AKAP9: variants seen among roughly 807,000 people sequenced by gnomAD.
The protein encoded by AKAP9 is A-kinase anchoring protein 9.
In AKAP9, 311 loss-of-function variants were observed where a neutral mutation model predicts 488.5. The ratio of observed to expected loss-of-function variants is 0.64; its 90% CI spans 0.58 to 0.70. AKAP9 has a LOEUF of 0.70. AKAP9 is among the 30% of genes least tolerant of loss of function. AKAP9 has a pLI of 0.00. For synonymous variants in AKAP9, 1,462 were observed against 1,483.5 expected, an observed-to-expected ratio of 0.99 and a Z score of 0.33; for missense variants, 4,215 against 4,374.5, an observed-to-expected ratio of 0.96 and a Z score of 1.03.
At chr7:92,033,442 C>CTTTTTTTTTTTTTTTTTTTTTTTTT (rs35497475) in intron 16 of AKAP9, among the ~76,000 whole-genome samples, 1 of 107,374 alleles carries the variant, frequency 9.3e-6, no homozygotes, top group Non-Finnish European at 1.9e-5. Flanking sequence ...CTTTTCTTTT[C>CTTTTTTTTTTTTTTTTTTTTTTTTT]TTTTTTTTTT....
At chr7:92,063,364 C>T (rs914710224) in intron 24 of AKAP9, 3 of 558,794 alleles carry the variant, frequency 5.4e-6, no homozygotes, top group Non-Finnish European at 6.8e-6. Flanking sequence ...GTTTTTGATA[C>T]GTGTGTGTGC....
In AKAP9 at chr7:92,040,791, G is replaced by A; in HGVS notation, c.4810G>A (p.Ala1604Thr). The A allele has an allele frequency of 6.2e-7, 1 of 1,613,960 alleles. No individual in the cohort carries two copies. Among genetic ancestry groups the A allele is most frequent in the East Asian group, 2.2e-5 (1 of 44,856 alleles). The change falls in exon 18 of 50, where the codon GCA (alanine) becomes ACA (threonine). Residue 1604 changes from alanine (A) to threonine (T), a missense_variant. This residue lies in a region of AKAP9 where 2,361 missense variants were observed against 2,430.0 expected (regional missense o/e 0.97). Coordinates refer to ENST00000356239, the MANE Select transcript of AKAP9 (RefSeq NM_005751.5). ...LVRQYQEHQQ[A>T]TELLRQAHMR... is the part of the protein sequence containing the mutation. ...ACGACAATACCAAGAACATCAACAGGCAACGGAATTGTTAAGGCAAGCACA... is the reference window on the plus strand; with the variant it reads ...ACGACAATACCAAGAACATCAACAGACAACGGAATTGTTAAGGCAAGCACA...
intron 49 of AKAP9, chr7:92,108,972 A>G (rs1007612834): frequency 9.5e-6 from 4 of 421,098 alleles, no homozygotes; most frequent in African/African-American, 7.9e-5. Flanking sequence ...CGTATTCCTA[A>G]GTAGCGCATG....
At chr7:92,089,675 T>A in intron 38 of AKAP9, 146 bp downstream of exon 38, 3 of 923,392 alleles carry the variant, frequency 3.2e-6, no homozygotes, top group Non-Finnish European at 5.0e-6. Flanking sequence ...CAATCTATAT[T>A]AATTACTCTA....
intron 12 of AKAP9, among the ~76,000 whole-genome samples, chr7:92,019,564 T>C (rs998439573): frequency 3.3e-5 from 5 of 151,868 alleles, no homozygotes; most frequent in African/African-American, 1.2e-4. Context: ...ATGAAGTCAC[T>C]AGACTGAAGA....
rs1811948615 is a variant in AKAP9 at position 92,072,899 on chromosome 7, T to C, written c.6612+1890T>C. On this transcript the variant is annotated intron_variant, in intron 28 of 49. Coordinates refer to ENST00000356239, the MANE Select transcript of AKAP9 (RefSeq NM_005751.5). Reference sequence around the variant, plus strand: ...GACTCTGTTATCCCCATTTTACAGATGTGTAAACTGAGCCTTAAGGGAAGT... The same window carrying C: ...GACTCTGTTATCCCCATTTTACAGACGTGTAAACTGAGCCTTAAGGGAAGT... Among the ~76,000 whole-genome samples the C allele has an allele frequency of 2.0e-5, 3 of 152,320 alleles. No individual in the cohort carries two copies. In the South Asian group the frequency reaches 6.2e-4, roughly 32 times the overall value.
At chr7:92,087,221 A>G (rs1301449517) in intron 37 of AKAP9, among the ~76,000 whole-genome samples, 1 of 152,172 alleles carries the variant, frequency 6.6e-6, no homozygotes, top group East Asian at 1.9e-4. Context: ...GCAAATATGG[A>G]ATCAGAATAA....
At chr7:91,989,518 C>G (rs1481350256) in intron 3 of AKAP9, among the ~76,000 whole-genome samples, 1 of 152,034 alleles carries the variant, frequency 6.6e-6, no homozygotes, top group African/African-American at 2.4e-5. Flanking sequence ...GTTGGGAATA[C>G]AGGCAATATA....
Position 92,002,147 on chromosome 7 carries a change from G to C in AKAP9, c.2230G>C (p.Glu744Gln), listed in dbSNP as rs202091548. 4.4e-6 allele frequency: 7 copies of C among 1,590,216 alleles called. No homozygotes were observed. The East Asian group carries it at 1.6e-4, about 36-fold the overall frequency. The change falls in exon 8 of 50, where the codon GAA becomes CAA. Residue 744 changes from glutamate (E) to glutamine (Q), a missense_variant. This residue lies in a region of AKAP9 where 2,361 missense variants were observed against 2,430.0 expected (regional missense o/e 0.97). Transcript: ENST00000356239. ...EEKEKGTLEQ[E>Q]VQELQLKTEL... is the part of the protein sequence containing the mutation. ...AAAAGAAAAGGGTACACTTGAACAA[G>C]AAGTTCAAGAATTACAACTTAAAAC...
chr7:92,080,672 C>T (rs932479637), intron 31 of AKAP9, among the ~76,000 whole-genome samples: 2 of 151,968 alleles, frequency 1.3e-5, no homozygotes, highest in African/African-American at 2.4e-5. Context: ...AAAGGATTCA[C>T]GTATTGGGTA....
At chr7:91,976,409 G>C (rs1330145161) in intron 2 of AKAP9, among the ~76,000 whole-genome samples, 3 of 152,070 alleles carry the variant, frequency 2.0e-5, no homozygotes, top group African/African-American at 7.2e-5. Flanking sequence ...TTTTTGTAGA[G>C]ACGGAGTTTT....
Position 92,040,767 on chromosome 7 carries a change from C to T in AKAP9, c.4786C>T (p.Arg1596Ter), listed in dbSNP as rs1479369759. Reference sequence around the variant, plus strand: ...GGAAGATATGAGACAGGAACTTGTACGACAATACCAAGAACATCAACAGGC... The same window carrying T: ...GGAAGATATGAGACAGGAACTTGTATGACAATACCAAGAACATCAACAGGC... ...QLEDMRQELV[R>*]QYQEHQQATE... Residue 1596 changes from arginine to a stop codon, truncating the protein, a stop_gained, in exon 18 of 50, where the codon CGA (arginine) becomes TGA (stop). Coordinates refer to ENST00000356239, the MANE Select transcript of AKAP9 (RefSeq NM_005751.5). LOFTEE classifies it high-confidence loss of function. The T allele has an allele frequency of 6.2e-7, 1 of 1,612,430 alleles. No homozygotes were observed. Among genetic ancestry groups the T allele is most frequent in the Non-Finnish European group, 8.5e-7 (1 of 1,179,768 alleles).
At chr7:92,057,364 A>G (rs1234807738) in intron 22 of AKAP9, among the ~76,000 whole-genome samples, 1 of 152,128 alleles carries the variant, frequency 6.6e-6, no homozygotes, top group Non-Finnish European at 1.5e-5. Flanking sequence ...CAATTTTTTA[A>G]TGGAACGGAA....
chr7:92,009,457 G>T (rs1800389197), intron 8 of AKAP9, among the ~76,000 whole-genome samples: 1 of 152,114 alleles, frequency 6.6e-6, no homozygotes, highest in Admixed American at 6.5e-5. Context: ...AACAATTAAA[G>T]AATTTGAAAT....
chr7:92,083,263 AAAG>A lies in AKAP9; in HGVS notation c.8259_8261del (p.Glu2753del), dbSNP rs762423163. 2 of 1,614,176 alleles carry A rather than the reference AAAG, an allele frequency of 1.2e-6. No homozygotes were observed. The highest frequency in any genetic ancestry group is 2.2e-5 in the East Asian group (1 of 44,870). The stretch of plus-strand genomic sequence containing the variant: ...AAAAGAGAAATTGTCCATTTTAGAA[AAAG>A]AAGATGAGACTGAGGTACAAGAAAG... On this transcript the variant is annotated inframe_deletion, in exon 33 of 50. Transcript: ENST00000356239.
In AKAP9 at chr7:91,980,307, A is replaced by G; in HGVS notation, c.325A>G (p.Thr109Ala). 1.3e-6 allele frequency: 2 copies of G among 1,586,484 alleles called. No homozygotes were observed. Among genetic ancestry groups the G allele is most frequent in the Non-Finnish European group, 1.7e-6 (2 of 1,160,454 alleles). The change falls in exon 3 of 50, where the codon ACC becomes GCC. Residue 109 changes from threonine to alanine, a missense_variant. Physicochemically the swap from Thr to Ala is moderately conservative, Grantham distance 58 (BLOSUM62 0). Around this residue, in one of 5 missense-constraint regions of AKAP9, gnomAD observed 2,361 missense variants for 2,430.0 expected, o/e 0.97. Transcript: ENST00000356239. ...FSVELESEIS[T>A]TADDCSSEVN... ...GTTTTAGCTGGAAAGTGAAATTTCAACCACAGCAGATGACTGCAGTTCAGA... is the reference window on the plus strand; with the variant it reads ...GTTTTAGCTGGAAAGTGAAATTTCAGCCACAGCAGATGACTGCAGTTCAGA...
At chr7:91,986,376 CT>C (rs2130613513) in intron 3 of AKAP9, among the ~76,000 whole-genome samples, 2 of 152,308 alleles carry the variant, frequency 1.3e-5, no homozygotes, top group Non-Finnish European at 2.9e-5. Context: ...CCCTGCCCTG[CT>C]TCGGCTCACC....
intron 10 of AKAP9, 46 bp downstream of exon 10, chr7:92,014,374 A>C: frequency 7.3e-7 from 1 of 1,366,988 alleles, no homozygotes; most frequent in Non-Finnish European, 1.0e-6. Flanking sequence ...GGTGGCTGAC[A>C]CTTATAATCC....
chr7:92,101,807 T>C (rs1217800447), intron 45 of AKAP9, among the ~76,000 whole-genome samples: 2 of 152,344 alleles, frequency 1.3e-5, no homozygotes, highest in East Asian at 1.9e-4. Context: ...GAAAAACTTT[T>C]GGAACATTTA....
Sources: allele counts gnomAD v4.1 joint callset (sites outside exome capture counted in the v4.1 genomes callset), GRCh38; gene constraint gnomAD v4.1.1; regional missense constraint gnomAD v4.1.1; transcripts MANE v1.5; gene names NCBI Gene and HGNC (gene_info 2026-07-23, HGNC 2026-07-21).